TOM1L2: variants seen among roughly 807,000 people sequenced by gnomAD.
TOM1L2 encodes the protein target of myb1 like 2 membrane trafficking protein, also known as TOM1-like protein 2.
In TOM1L2, 31 loss-of-function variants were observed where a neutral mutation model predicts 67.9. The ratio of observed to expected loss-of-function variants is 0.46; its 90% CI spans 0.34 to 0.62. The LOEUF is 0.62. TOM1L2 is among the 20% of genes least tolerant of loss of function. TOM1L2 has a pLI of 0.01. For synonymous variants in TOM1L2, 256 were observed against 254.0 expected, an observed-to-expected ratio of 1.01 and a Z score of -0.07; for missense variants, 606 against 663.5, an observed-to-expected ratio of 0.91 and a Z score of 0.95.
chr17:17,848,739 G>A (rs1218327046), intron 14 of TOM1L2, 84 bp downstream of exon 14: 2 of 1,494,242 alleles, frequency 1.3e-6, no homozygotes, highest in Non-Finnish European at 1.9e-6. Flanking sequence ...GGCAGCGGGG[G>A]CTCCAAGATG....
Position 17,869,419 on chromosome 17 carries a change from G to A in TOM1L2, c.832C>T (p.Arg278Cys), listed in dbSNP as rs578191280. Reference protein sequence around the residue: ...MQQRIVELISRVSNEEVTEEL... With the variant: ...MQQRIVELISCVSNEEVTEEL... The stretch of plus-strand genomic sequence containing the variant: ...TCGGTGACCTCCTCATTGGACACGC[G>A]GGAGATGAGCTCCACGATGCGCTGC... Residue 278 changes from arginine (R) to cysteine (C), a missense_variant, in exon 8 of 15, where the codon CGC becomes TGC. Physicochemically the swap from Arg to Cys is radical, Grantham distance 180 (BLOSUM62 -3). Transcript: ENST00000379504. The A allele has an allele frequency of 2.2e-5, 35 of 1,613,568 alleles. No homozygotes were observed. Among genetic ancestry groups the A allele is most frequent in the East Asian group, 1.3e-4 (6 of 44,882 alleles).
chr17:17,969,216 C>T (rs2041978917), intron 1 of TOM1L2, among the ~76,000 whole-genome samples: 1 of 152,186 alleles, frequency 6.6e-6, no homozygotes, highest in Non-Finnish European at 1.5e-5. Context: ...ACCACCACAC[C>T]CGGCTCATTT....
At chr17:17,886,120 G>A (rs1355499734) in intron 4 of TOM1L2, among the ~76,000 whole-genome samples, 3 of 151,998 alleles carry the variant, frequency 2.0e-5, no homozygotes, top group African/African-American at 7.3e-5. Flanking sequence ...GAATTTAACT[G>A]TCTCCCTCAC....
At chr17:17,918,547 C>T (rs185758132) in intron 1 of TOM1L2, among the ~76,000 whole-genome samples, 111 of 152,266 alleles carry the variant, frequency 7.3e-4, no homozygotes, top group African/African-American at 2.5e-3. Flanking sequence ...AGGGTGAAAA[C>T]AGGAACCATA....
intron 1 of TOM1L2, among the ~76,000 whole-genome samples, chr17:17,962,627 T>C (rs1401865417): frequency 6.6e-6 from 1 of 152,068 alleles, no homozygotes; most frequent in Non-Finnish European, 1.5e-5. Context: ...TGTGAATATA[T>C]TTAATGCCAT....
chr17:17,971,890 C>T (rs367931506), intron 1 of TOM1L2, among the ~76,000 whole-genome samples: 1 of 152,214 alleles, frequency 6.6e-6, no homozygotes, highest in African/African-American at 2.4e-5. Context: ...CGGGAGGAGG[C>T]CCGAGGACAC....
intron 1 of TOM1L2, among the ~76,000 whole-genome samples, chr17:17,939,342 C>T (rs756061321): frequency 2.0e-5 from 3 of 152,204 alleles, no homozygotes; most frequent in Non-Finnish European, 4.4e-5. Flanking sequence ...CCTCACTGTA[C>T]TTGTGATAGA....
At chr17:17,946,600 T>C (rs909954369) in intron 1 of TOM1L2, among the ~76,000 whole-genome samples, 2 of 152,236 alleles carry the variant, frequency 1.3e-5, no homozygotes, top group African/African-American at 4.8e-5. Flanking sequence ...GCTAACATTA[T>C]AAAGTTAAGT....
chr17:17,878,288 G>C (rs1037428043), intron 7 of TOM1L2, among the ~76,000 whole-genome samples: 4 of 152,250 alleles, frequency 2.6e-5, no homozygotes, highest in Non-Finnish European at 5.9e-5. Context: ...GGGAACTAGG[G>C]AGAGGCCACT....
intron 1 of TOM1L2, among the ~76,000 whole-genome samples, chr17:17,926,174 G>T (rs1409841381): frequency 7.0e-6 from 1 of 143,118 alleles, no homozygotes; most frequent in Admixed American, 6.9e-5. Context: ...CTGTCTCTTG[G>T]AGAAAAAAAA....
intron 1 of TOM1L2, among the ~76,000 whole-genome samples, chr17:17,955,338 T>G (rs1337559236): frequency 2.7e-5 from 4 of 148,660 alleles, no homozygotes; most frequent in African/African-American, 5.0e-5. Flanking sequence ...TTTTTTTTTT[T>G]TTTTTTTTTT....
chr17:17,963,987 G>T (rs1356285088), intron 1 of TOM1L2, among the ~76,000 whole-genome samples: 1 of 152,180 alleles, frequency 6.6e-6, no homozygotes, highest in Non-Finnish European at 1.5e-5. Context: ...GAATGATATG[G>T]ATAGCAAGCA....
intron 1 of TOM1L2, among the ~76,000 whole-genome samples, chr17:17,910,133 C>T (rs2039280705): frequency 6.6e-6 from 1 of 152,210 alleles, no homozygotes; most frequent in South Asian, 2.1e-4. Flanking sequence ...GGTCAATGGA[C>T]TGCTGGGTCA....
At chr17:17,964,459 G>C (rs1172011001) in intron 1 of TOM1L2, among the ~76,000 whole-genome samples, 2 of 152,238 alleles carry the variant, frequency 1.3e-5, no homozygotes, top group Non-Finnish European at 2.9e-5. Context: ...AAGATGAAGA[G>C]TGAAATACAA....
chr17:17,907,356 A>G (rs1209365123), intron 2 of TOM1L2, 91 bp downstream of exon 2: 3 of 1,202,922 alleles, frequency 2.5e-6, no homozygotes, highest in Non-Finnish European at 3.5e-6. Context: ...AACAAAACAA[A>G]AAATAAAACC....
Position 17,879,750 on chromosome 17 carries a change from G to C in TOM1L2, c.661-7C>G. On this transcript the variant is annotated splice_region_variant and splice_polypyrimidine_tract_variant and intron_variant, in intron 6 of 14. Transcript: ENST00000379504. ...CACTCCGCAGCCTGGCAATCTGGTG[G>C]GGGCCACGAGGAAGGAAAGCAGGAA... 2 of 1,611,044 alleles carry C rather than the reference G, an allele frequency of 1.2e-6. No homozygotes were observed. Among genetic ancestry groups the C allele is most frequent in the Non-Finnish European group, 1.7e-6 (2 of 1,177,166 alleles).
intron 7 of TOM1L2, among the ~76,000 whole-genome samples, chr17:17,875,354 C>T (rs1048116200): frequency 2.0e-5 from 3 of 152,150 alleles, no homozygotes; most frequent in African/African-American, 4.8e-5. Context: ...GCCAGCCGGC[C>T]ACCTGCATGT....
intron 1 of TOM1L2, among the ~76,000 whole-genome samples, chr17:17,931,118 C>T (rs866831044): frequency 6.6e-6 from 1 of 152,148 alleles, no homozygotes; most frequent in Middle Eastern, 3.4e-3. Flanking sequence ...CTATTTTGCC[C>T]CATCCCATCC....
intron 1 of TOM1L2, among the ~76,000 whole-genome samples, chr17:17,943,999 C>T (rs1179049623): frequency 6.6e-6 from 1 of 152,242 alleles, no homozygotes; most frequent in Non-Finnish European, 1.5e-5. Context: ...GCAGTCCTTA[C>T]TCTGCCCCTC....
Sources: gnomAD v4.1 joint callset for allele counts (sites outside exome capture counted in the v4.1 genomes callset) on GRCh38, gnomAD v4.1.1 for gene constraint, MANE v1.5 for transcripts, NCBI Gene and HGNC (gene_info 2026-07-23, HGNC 2026-07-21) for gene names.